The following MLKL variants were observed in gnomAD, a reference collection of about 807,000 sequenced individuals.
MLKL encodes mixed lineage kinase domain like pseudokinase, also known as mixed lineage kinase domain-like protein.
MLKL carries 55 observed loss-of-function variants against 56.5 expected under a neutral mutation model. The observed-to-expected ratio is 0.97, with a 90% CI of 0.78 to 1.22. MLKL has a LOEUF of 1.22. Among genes scored for constraint, MLKL ranks in the 50% most tolerant of loss-of-function variants. MLKL has a pLI of 0.00. For synonymous variants in MLKL, 251 were observed against 208.3 expected (o/e 1.20, Z -1.76); for missense variants, 694 against 573.9 (o/e 1.21, Z -2.14).
chr16:74,694,647 A>G (rs1321771986), intron 2 of MLKL, among the ~76,000 whole-genome samples: 1 of 152,124 alleles, frequency 6.6e-6, no homozygotes, highest in African/African-American at 2.4e-5. Context: ...GTGCACACCT[A>G]TAGTACCAGC....
chr16:74,697,415 T>G (rs1005023700), intron 1 of MLKL, among the ~76,000 whole-genome samples: 8 of 152,166 alleles, frequency 5.3e-5, no homozygotes, highest in African/African-American at 1.9e-4. Context: ...TTTGCTTTAT[T>G]TGCAACTGAA....
chr16:74,682,574 T>C, intron 6 of MLKL, 77 bp downstream of exon 6: 3 of 1,569,930 alleles, frequency 1.9e-6, no homozygotes, highest in Non-Finnish European at 2.6e-6. Context: ...TGGCCTGTTC[T>C]CTCACCATCT....
chr16:74,689,327 G>A (rs916446440), intron 4 of MLKL, among the ~76,000 whole-genome samples: 1 of 152,088 alleles, frequency 6.6e-6, no homozygotes, highest in Non-Finnish European at 1.5e-5. Context: ...TGTTGGCCAG[G>A]CTGGTCTTGA....
At chr16:74,680,490 T>A (rs1198018710) in intron 6 of MLKL, among the ~76,000 whole-genome samples, 1 of 151,614 alleles carries the variant, frequency 6.6e-6, no homozygotes, top group Non-Finnish European at 1.5e-5. Flanking sequence ...TTTTTTTGTT[T>A]TTTTGTTTTT....
chr16:74,685,627 G>C (rs370555939), intron 4 of MLKL, 44 bp from the exon 5 acceptor site: 5 of 1,497,384 alleles, frequency 3.3e-6, no homozygotes, highest in East Asian at 4.5e-5. Context: ...GAACTGGAAG[G>C]TTCCTTAGAG....
chr16:74,690,734 A>C (rs1436355732), intron 4 of MLKL, among the ~76,000 whole-genome samples: 1 of 133,630 alleles, frequency 7.5e-6, no homozygotes, highest in East Asian at 2.4e-4. Flanking sequence ...ATGAGCTATG[A>C]TCTCACCACT....
intron 7 of MLKL, 152 bp downstream of exon 7, chr16:74,678,747 C>A (rs963811210): frequency 1.5e-5 from 9 of 615,432 alleles, no homozygotes; most frequent in Admixed American, 2.8e-5. Flanking sequence ...CGCTCACTGC[C>A]CTCCAGCTTG....
At chr16:74,675,791 A>T (rs1448820050) in intron 7 of MLKL, 27 bp from the exon 8 acceptor site, 1 of 1,611,732 alleles carries the variant, frequency 6.2e-7, no homozygotes, top group African/African-American at 1.3e-5. Context: ...CTTAGAAAGA[A>T]ACAAGCAAGA....
intron 6 of MLKL, among the ~76,000 whole-genome samples, chr16:74,680,277 C>T (rs1040274072): frequency 6.6e-6 from 1 of 152,154 alleles, no homozygotes; most frequent in Non-Finnish European, 1.5e-5. Flanking sequence ...TCCCCTACAA[C>T]ATCCAAAAAT....
At chr16:74,683,075 C>A (rs1216046935) in intron 5 of MLKL, among the ~76,000 whole-genome samples, 2 of 152,098 alleles carry the variant, frequency 1.3e-5, no homozygotes, top group Non-Finnish European at 2.9e-5. Context: ...CTTTGGGAGA[C>A]CAATGTGGGT....
At chr16:74,685,698 G>C in intron 4 of MLKL, 115 bp from the exon 5 acceptor site, 1 of 754,858 alleles carries the variant, frequency 1.3e-6, no homozygotes, top group Non-Finnish European at 2.3e-6. Flanking sequence ...TCTGGGGTGA[G>C]AACTGGTGCC....
At chr16:74,679,932 T>C (rs1208660603) in intron 6 of MLKL, among the ~76,000 whole-genome samples, 1 of 152,200 alleles carries the variant, frequency 6.6e-6, no homozygotes, top group Non-Finnish European at 1.5e-5. Flanking sequence ...AGCAAGAGGT[T>C]GATTTCAGGT....
intron 2 of MLKL, among the ~76,000 whole-genome samples, chr16:74,694,856 TTTTG>T (rs112051972): frequency 5.2e-4 from 79 of 150,924 alleles, no homozygotes; most frequent in South Asian, 8.4e-4. Flanking sequence ...ATGTTAGGAG[TTTTG>T]TTTGTTTGTT....
chr16:74,679,024 C>A (rs1432044851), intron 6 of MLKL, 44 bp from the exon 7 acceptor site: 1 of 1,514,992 alleles, frequency 6.6e-7, no homozygotes, highest in Admixed American at 1.7e-5. Context: ...TTTGCCCAAA[C>A]TTTCTTTGGG....
rs1314437661 is a variant in MLKL at position 74,676,891 on chromosome 16, C to T, written c.1039-1127G>A. On this transcript the variant is annotated intron_variant, in intron 7 of 10. Transcript: ENST00000308807. ...GCTCTGTTCCCCTGGAAATCTGATA[C>T]AGGTAGACTGTCACCTATGGCTCTT... The T allele has an allele frequency of 5.3e-5, 8 of 152,132 alleles. No individual in the cohort carries two copies. In the South Asian group the frequency reaches 1.7e-3, roughly 32 times the overall value. 9.4% of individuals were successfully genotyped at this position (152,132 alleles called of 1,614,324 possible).
At chr16:74,677,601 C>G (rs1325205538) in intron 7 of MLKL, 2 of 152,264 alleles carry the variant, frequency 1.3e-5, no homozygotes, top group Non-Finnish European at 2.9e-5. Context: ...AAGTGATCCT[C>G]CTGCCTTCCC....
intron 7 of MLKL, chr16:74,676,427 T>C: frequency 1.0e-6 from 1 of 985,452 alleles, no homozygotes. Flanking sequence ...TACCCAAATC[T>C]AGGGGCAATG....
chr16:74,674,762 C>T (rs886552454), intron 10 of MLKL, among the ~76,000 whole-genome samples, 198 bp downstream of exon 10: 1 of 152,110 alleles, frequency 6.6e-6, no homozygotes, highest in African/African-American at 2.4e-5. Flanking sequence ...GGCCTTTATT[C>T]ACTAGATGAC....
chr16:74,692,773 G>A (rs1005268131), intron 2 of MLKL, among the ~76,000 whole-genome samples: 1 of 152,250 alleles, frequency 6.6e-6, no homozygotes, highest in African/African-American at 2.4e-5. Flanking sequence ...CTGGAAGGAG[G>A]ACATTCACCT....
Sources: gnomAD v4.1 joint callset for allele counts (sites outside exome capture counted in the v4.1 genomes callset) on GRCh38, gnomAD v4.1.1 for gene constraint, MANE v1.5 for transcripts, NCBI Gene and HGNC (gene_info 2026-07-23, HGNC 2026-07-21) for gene names.